IMMP2L: variants seen among roughly 807,000 people sequenced by gnomAD.
The protein encoded by IMMP2L is inner mitochondrial membrane peptidase subunit 2.
A neutral mutation model predicts 19.3 loss-of-function variants in IMMP2L; 18 were observed. The observed-to-expected ratio is 0.93, with a 90% CI of 0.64 to 1.38. IMMP2L has a LOEUF of 1.38. IMMP2L is among the 40% of genes most tolerant of loss of function. The pLI is 0.00. For missense variants in IMMP2L, 233 were observed against 218.2 expected (o/e 1.07, Z -0.43); for synonymous variants, 76 against 73.0 (o/e 1.04, Z -0.21).
In IMMP2L at chr7:111,399,049, C is replaced by A. The variant is rs537811163; in HGVS notation, c.239+88189G>T. ...AATCAATATTGTGAAAATGACCATA[C>A]TGCCAAAAGCAGTCTACAAATTCAA... is the stretch of plus-strand genomic sequence containing the variant. On this transcript the variant is annotated intron_variant, in intron 3 of 5. Coordinates refer to ENST00000405709, the MANE Select transcript of IMMP2L (RefSeq NM_032549.4). 4.6e-5 allele frequency among the ~76,000 whole-genome samples: 7 copies of A among 152,212 alleles called. No individual in the cohort carries two copies. In the South Asian group the frequency reaches 1.5e-3, roughly 32 times the overall value.
At chr7:110,746,241 C>T (rs543837756) in intron 5 of IMMP2L, among the ~76,000 whole-genome samples, 5 of 152,222 alleles carry the variant, frequency 3.3e-5, no homozygotes, top group African/African-American at 1.2e-4. Context: ...TACAGGAGCA[C>T]CCAGATTCAT....
intron 4 of IMMP2L, among the ~76,000 whole-genome samples, chr7:110,907,748 T>G (rs555677122): frequency 6.6e-6 from 1 of 152,284 alleles, no homozygotes; most frequent in Non-Finnish European, 1.5e-5. Flanking sequence ...AGTAAAAATT[T>G]TATATTCATT....
chr7:111,170,213 T>C (rs546518127), intron 3 of IMMP2L, among the ~76,000 whole-genome samples: 3 of 151,972 alleles, frequency 2.0e-5, no homozygotes, highest in Admixed American at 1.3e-4. Context: ...TCTCTCTCGT[T>C]AGTCTTGTTA....
Position 110,801,932 on chromosome 7 carries a change from C to A in IMMP2L, c.408+84661G>T, listed in dbSNP as rs761658588. Among the ~76,000 whole-genome samples, 5 of 152,074 alleles carry A rather than the reference C, an allele frequency of 3.3e-5. 1 individual carries two copies. Among genetic ancestry groups the A allele is most frequent in the Non-Finnish European group, 7.4e-5 (5 of 67,996 alleles). ...GGTGGTAGGAGAAGCAGCAAACTCA[C>A]AGTTTTAGGATCCTCCTATTTAACA... On this transcript the variant is annotated intron_variant, in intron 5 of 5. Transcript: ENST00000405709.
rs184839293 is a variant in IMMP2L, at chr7:110,735,633, A to G, written c.409-71912T>C. Reference sequence around the variant, plus strand: ...AACATGGCAAAACTCTGTGTCTACAAATATATATATATTAGACAAATATAT... The same window carrying G: ...AACATGGCAAAACTCTGTGTCTACAGATATATATATATTAGACAAATATAT... On this transcript the variant is annotated intron_variant, in intron 5 of 5. Coordinates refer to ENST00000405709, the MANE Select transcript of IMMP2L (RefSeq NM_032549.4). 8.1e-3 allele frequency among the ~76,000 whole-genome samples: 1,129 copies of G among 139,890 alleles called. 8 individuals are homozygous for G. Among genetic ancestry groups the G allele is most frequent in the Non-Finnish European group, 0.013 (819 of 65,270 alleles). The allele number at this position is 139,890 out of a possible 152,430, so 91.8% of individuals were successfully genotyped here.
chr7:110,950,847 T>A (rs973194689), intron 4 of IMMP2L, among the ~76,000 whole-genome samples: 3 of 122,542 alleles, frequency 2.4e-5, no homozygotes, highest in African/African-American at 4.1e-5. Context: ...GTGGCATATA[T>A]ATATATATAT....
intron 5 of IMMP2L, among the ~76,000 whole-genome samples, chr7:110,857,282 T>C (rs1321170108): frequency 6.6e-6 from 1 of 152,078 alleles, no homozygotes. Flanking sequence ...GCCTTTTGTC[T>C]AGCCTAGCAT....
intron 3 of IMMP2L, among the ~76,000 whole-genome samples, chr7:111,011,607 C>T (rs1824964081): frequency 6.6e-6 from 1 of 152,140 alleles, no homozygotes; most frequent in African/African-American, 2.4e-5. Flanking sequence ...TAATCATACC[C>T]TTAGCCAATA....
intron 5 of IMMP2L, among the ~76,000 whole-genome samples, chr7:110,776,282 A>G (rs763449596): frequency 6.6e-6 from 1 of 152,076 alleles, no homozygotes; most frequent in Non-Finnish European, 1.5e-5. Context: ...GGGTGAGTTA[A>G]TTCGCGTAAG....
chr7:111,353,754 C>CTT (rs1828417061), intron 3 of IMMP2L, among the ~76,000 whole-genome samples: 2 of 152,052 alleles, frequency 1.3e-5, no homozygotes, highest in Admixed American at 1.3e-4. Context: ...CAAAAAAGGA[C>CTT]TTTCTCAGAA....
chr7:111,516,583 G>T (rs979421156), intron 2 of IMMP2L, among the ~76,000 whole-genome samples: 1 of 151,912 alleles, frequency 6.6e-6, no homozygotes, highest in Non-Finnish European at 1.5e-5. Flanking sequence ...ATATAAAACA[G>T]AAACACATAG....
At chr7:111,483,874 T>G (rs1439141192) in intron 3 of IMMP2L, 1 of 152,202 alleles carries the variant, frequency 6.6e-6, no homozygotes, top group African/African-American at 2.4e-5. Context: ...CTACGTATAC[T>G]AATGGCAGCA....
At chr7:111,497,758 T>C (rs1585359781) in intron 2 of IMMP2L, among the ~76,000 whole-genome samples, 1 of 152,038 alleles carries the variant, frequency 6.6e-6, no homozygotes, top group Non-Finnish European at 1.5e-5. Context: ...TCTCTGATTG[T>C]ATTTCTTCAT....
intron 3 of IMMP2L, among the ~76,000 whole-genome samples, chr7:111,428,170 C>T (rs1836271166): frequency 1.3e-5 from 2 of 151,456 alleles, no homozygotes; most frequent in South Asian, 2.1e-4. Context: ...CTTTATTGTT[C>T]CCTTATATTG....
chr7:111,333,669 C>T (rs951420290), intron 3 of IMMP2L, among the ~76,000 whole-genome samples: 2 of 152,054 alleles, frequency 1.3e-5, no homozygotes, highest in Admixed American at 1.3e-4. Context: ...TGGGCACCAT[C>T]TAATTAATCA....
intron 5 of IMMP2L, among the ~76,000 whole-genome samples, chr7:110,802,086 C>G (rs1584875084): frequency 6.6e-6 from 1 of 152,122 alleles, no homozygotes; most frequent in East Asian, 1.9e-4. Context: ...ATGAATGAAC[C>G]AGAATAGAAG....
intron 3 of IMMP2L, among the ~76,000 whole-genome samples, chr7:111,228,161 T>G (rs2129622904): frequency 6.6e-6 from 1 of 152,238 alleles, no homozygotes; most frequent in Middle Eastern, 3.4e-3. Context: ...CAAACATTTC[T>G]GAAACACAAA....
intron 3 of IMMP2L, among the ~76,000 whole-genome samples, chr7:111,410,633 A>G (rs1676296719): frequency 6.6e-6 from 1 of 151,788 alleles, no homozygotes; most frequent in Non-Finnish European, 1.5e-5. Flanking sequence ...AATTAACATT[A>G]AAAGGCCTTA....
intron 5 of IMMP2L, among the ~76,000 whole-genome samples, chr7:110,817,568 C>T (rs145035246): frequency 0.026 from 3,909 of 152,144 alleles, 64 homozygotes; most frequent in Middle Eastern, 0.061. Flanking sequence ...ATGCCATCCC[C>T]GTCAAGCTAC....
Sources: gnomAD v4.1 joint callset for allele counts (sites outside exome capture counted in the v4.1 genomes callset) on GRCh38, gnomAD v4.1.1 for gene constraint, MANE v1.5 for transcripts, NCBI Gene and HGNC (gene_info 2026-07-23, HGNC 2026-07-21) for gene names.